NLRP14: variants seen among roughly 807,000 people sequenced by gnomAD.
NLRP14 encodes NACHT, LRR and PYD domains-containing protein 14.
NLRP14 carries 105 observed loss-of-function variants against 94.7 expected under a neutral mutation model. The ratio of observed to expected loss-of-function variants is 1.11; its 90% CI spans 0.95 to 1.30. NLRP14 has a LOEUF of 1.30. Ranked by LOEUF, NLRP14 falls within the 50% of genes most tolerant of loss-of-function variation. The probability of loss-of-function intolerance (pLI) is 0.00; values close to 1 mark genes in which losing one functional copy is unlikely to be tolerated. For synonymous variants in NLRP14, 508 were observed against 459.9 expected (o/e 1.10, Z -1.34); for missense variants, 1,362 against 1,254.1 (o/e 1.09, Z -1.30).
At chr11:7,079,130 T>C in the NLRP14 span, among the ~76,000 whole-genome samples, 1 of 152,236 alleles carries the variant, frequency 6.6e-6, no homozygotes, top group Admixed American at 6.5e-5. Flanking sequence ...CTGTGCAGAT[T>C]TTCTGGGGGG....
At chr11:7,077,461 C>A in the NLRP14 span, among the ~76,000 whole-genome samples, 7 of 152,342 alleles carry the variant, frequency 4.6e-5, no homozygotes, top group South Asian at 2.1e-4. Context: ...TGGATGCTTA[C>A]CATTCATTGA....
intron 6 of NLRP14, among the ~76,000 whole-genome samples, chr11:7,050,776 A>AG (rs1852431681): frequency 1.3e-5 from 2 of 152,230 alleles, no homozygotes; most frequent in Non-Finnish European, 2.9e-5. Flanking sequence ...TCTCAAACAT[A>AG]GGTTGAGTTC....
chr11:7,043,857 G>T lies in NLRP14; in HGVS notation c.1831G>T (p.Glu611Ter). The change falls in exon 4 of 12, where the codon GAG becomes TAG. Residue 611 changes from glutamate to a stop codon, truncating the protein, a stop_gained. Coordinates refer to ENST00000299481, the MANE Select transcript of NLRP14 (RefSeq NM_176822.4). LOFTEE classifies it high-confidence loss of function. ...CFPKVAINIC[E>*]KIHLLVSSFC... is the part of the protein sequence containing the mutation. ...CCCAAAGGTTGCCATTAATATTTGT[G>T]AGAAAATACATTTGCTTGTATCTTC... is the stretch of plus-strand genomic sequence containing the variant. 2.5e-6 allele frequency: 4 copies of T among 1,614,182 alleles called. No individual in the cohort carries two copies. Among genetic ancestry groups the T allele is most frequent in the Non-Finnish European group, 3.4e-6 (4 of 1,180,018 alleles).
At position 7,071,241 on chromosome 11, in the gene NLRP14, A is replaced by G. The variant is rs1239074964; in HGVS notation, c.3215A>G (p.His1072Arg). Residue 1072 changes from histidine to arginine, a missense_variant, in exon 12 of 12, where the codon CAC becomes CGC. Coordinates refer to ENST00000299481, the MANE Select transcript of NLRP14 (RefSeq NM_176822.4). ...LLEAVGVSNP[H>R]LIIKPDCNYH... ...GAAGCTGTGGGAGTTAGCAATCCACACTTAATCATTAAGCCAGATTGTAAC... is the reference window on the plus strand; with the variant it reads ...GAAGCTGTGGGAGTTAGCAATCCACGCTTAATCATTAAGCCAGATTGTAAC... The G allele has an allele frequency of 1.9e-6, 3 of 1,613,292 alleles. No individual in the cohort carries two copies. The highest frequency in any genetic ancestry group is 3.3e-5 in the Admixed American group (2 of 59,948).
the NLRP14 span, among the ~76,000 whole-genome samples, chr11:7,086,031 C>G: frequency 1.3e-5 from 2 of 152,146 alleles, no homozygotes; most frequent in African/African-American, 2.4e-5. Flanking sequence ...ATCTAAGAAC[C>G]TACTTTCAAA....
the NLRP14 span, chr11:7,090,291 A>T: frequency 6.3e-7 from 1 of 1,597,742 alleles, no homozygotes; most frequent in Non-Finnish European, 8.5e-7. Flanking sequence ...AGGCCGGAGC[A>T]GATACTAAGC....
the NLRP14 span, among the ~76,000 whole-genome samples, chr11:7,084,972 G>A: frequency 2.0e-5 from 3 of 152,184 alleles, no homozygotes; most frequent in Non-Finnish European, 2.9e-5. Flanking sequence ...TGGTGTCCAG[G>A]AGCTGGAGAA....
At chr11:7,052,538 C>T (rs1418459487) in intron 6 of NLRP14, among the ~76,000 whole-genome samples, 1 of 152,130 alleles carries the variant, frequency 6.6e-6, no homozygotes, top group East Asian at 1.9e-4. Context: ...GAGGCTGAGA[C>T]AGGAGAATTG....
chr11:7,067,408 G>C (rs1852720908), intron 10 of NLRP14, among the ~76,000 whole-genome samples: 1 of 152,090 alleles, frequency 6.6e-6, no homozygotes, highest in South Asian at 2.1e-4. Context: ...TCCTTGAAGA[G>C]GTCCTTCACA....
At chr11:7,069,819 G>T (rs1258562863) in intron 10 of NLRP14, among the ~76,000 whole-genome samples, 1 of 151,990 alleles carries the variant, frequency 6.6e-6, no homozygotes, top group East Asian at 1.9e-4. Flanking sequence ...TAGAGACAAG[G>T]TTTCACCATG....
At position 7,043,636 on chromosome 11, in the gene NLRP14, A is replaced by G. The variant is rs1419598769; in HGVS notation, c.1610A>G (p.Asn537Ser). Residue 537 changes from asparagine to serine, a missense_variant, in exon 4 of 12, where the codon AAT (asparagine) becomes AGT (serine). Coordinates refer to ENST00000299481, the MANE Select transcript of NLRP14 (RefSeq NM_176822.4). Reference protein sequence around the residue: ...QMKCFLFGLLNEDRVKQLERT... With the variant: ...QMKCFLFGLLSEDRVKQLERT... ...AAGTGCTTTTTGTTTGGCCTTTTGA[A>G]TGAAGATCGAGTAAAACAACTGGAG... is the stretch of plus-strand genomic sequence containing the variant. 6.2e-7 allele frequency: 1 copy of G among 1,614,164 alleles called. No individual in the cohort carries two copies. The highest frequency in any genetic ancestry group is 8.5e-7 in the Non-Finnish European group (1 of 1,180,028).
chr11:7,052,911 C>G (rs1461791643), intron 6 of NLRP14, among the ~76,000 whole-genome samples: 1 of 152,160 alleles, frequency 6.6e-6, no homozygotes, highest in African/African-American at 2.4e-5. Context: ...CCTGGGAAGA[C>G]TACCAGCAAG....
the NLRP14 span, chr11:7,089,249 A>G: frequency 8.0e-5 from 129 of 1,612,338 alleles, no homozygotes; most frequent in Non-Finnish European, 1.1e-4. Flanking sequence ...TGAAAGACCG[A>G]GAAACCAACA....
chr11:7,059,355 TA>T lies in NLRP14; in HGVS notation c.2634-531del, dbSNP rs1012863349. 4.0e-5 allele frequency among the ~76,000 whole-genome samples: 6 copies of T among 151,590 alleles called. No individual in the cohort carries two copies. The East Asian group carries it at 1.2e-3, about 29-fold the overall frequency. On this transcript the variant is annotated intron_variant, in intron 8 of 11. Coordinates refer to ENST00000299481, the MANE Select transcript of NLRP14 (RefSeq NM_176822.4). ...AAGGAGTTTGGAAGTACCTTTCTTT[TA>T]AAAAAAATACACATATGTCATCTCA...
chr11:7,084,561 C>A, the NLRP14 span, among the ~76,000 whole-genome samples: 1 of 152,198 alleles, frequency 6.6e-6, no homozygotes, highest in Non-Finnish European at 1.5e-5. Context: ...AAAAGGCTGG[C>A]TTTGGAGAGC....
the NLRP14 span, among the ~76,000 whole-genome samples, chr11:7,083,330 G>A: frequency 6.6e-6 from 1 of 152,320 alleles, no homozygotes; most frequent in African/African-American, 2.4e-5. Flanking sequence ...ATTACTCTGA[G>A]GAAAATATCT....
In NLRP14 at chr11:7,024,918, GA is replaced by G. The variant is rs1340217795; in HGVS notation, c.-22+4155del. Reference sequence around the variant, plus strand: ...GGAAAAAGATAGAGATGGAAATCATGAAAAAAAGATGATAGGCTTAAATAGT... The same window carrying G: ...GGAAAAAGATAGAGATGGAAATCATGAAAAAAGATGATAGGCTTAAATAGT... On this transcript the variant is annotated intron_variant, in intron 1 of 11. Transcript: ENST00000299481. 7.2e-5 allele frequency among the ~76,000 whole-genome samples: 11 copies of G among 152,000 alleles called. No homozygotes were observed. In the South Asian group the frequency reaches 2.1e-3, roughly 29 times the overall value.
intron 1 of NLRP14, among the ~76,000 whole-genome samples, chr11:7,034,859 G>A (rs1319919689): frequency 6.6e-6 from 1 of 152,166 alleles, no homozygotes; most frequent in Non-Finnish European, 1.5e-5. Context: ...TGGTTTACAA[G>A]TTGTGCTAAT....
the NLRP14 span, chr11:7,090,287 G>T: frequency 1.9e-6 from 3 of 1,599,298 alleles, no homozygotes; most frequent in East Asian, 2.3e-5. Flanking sequence ...GAGGAGGCCG[G>T]AGCAGATACT....
Sources: allele counts gnomAD v4.1 joint callset (sites outside exome capture counted in the v4.1 genomes callset), GRCh38; gene constraint gnomAD v4.1.1; transcripts MANE v1.5; gene names NCBI Gene and HGNC (gene_info 2026-07-23, HGNC 2026-07-21).